SUGP1: variants seen among roughly 807,000 people sequenced by gnomAD.
SUGP1 encodes SURP and G-patch domain containing 1, also known as SURP and G-patch domain-containing protein 1.
In SUGP1, 34 loss-of-function variants were observed where a neutral mutation model predicts 76.5. The observed-to-expected ratio is 0.44, with a 90% CI of 0.34 to 0.59. The LOEUF (loss-of-function observed/expected upper bound fraction) is 0.59. SUGP1 is among the 20% of genes least tolerant of loss of function. The pLI, the probability that SUGP1 is intolerant of heterozygous loss-of-function variation, is 0.01. For synonymous variants in SUGP1, 326 were observed against 326.2 expected, an observed-to-expected ratio of 1.00 and a Z score of 0.01; for missense variants, 752 against 851.7, an observed-to-expected ratio of 0.88 and a Z score of 1.46.
chr19:19,292,422 C>T, intron 8 of SUGP1, among the ~76,000 whole-genome samples: 1 of 152,066 alleles, frequency 6.6e-6, no homozygotes, highest in East Asian at 1.9e-4. Context: ...GAAAAATAGG[C>T]CAGGTGTGGT....
intron 8 of SUGP1, among the ~76,000 whole-genome samples, chr19:19,286,233 T>C (rs2061139062): frequency 6.6e-6 from 1 of 152,234 alleles, no homozygotes; most frequent in South Asian, 2.1e-4. Flanking sequence ...AGTTTAACAC[T>C]GAAGGCATCA....
rs1405747208 is a variant in SUGP1 at position 19,278,690 on chromosome 19, C to T, written c.1635G>A (p.Lys545=). 1.2e-6 allele frequency: 2 copies of T among 1,611,028 alleles called. No homozygotes were observed. The highest frequency in any genetic ancestry group is 1.7e-6 in the Non-Finnish European group (2 of 1,178,704). The change falls in exon 11 of 14, where the codon AAG becomes AAA. Residue 545 remains lysine, a splice_region_variant and synonymous_variant. Coordinates refer to ENST00000247001, the MANE Select transcript of SUGP1 (RefSeq NM_172231.4). ...GGAGCTAGGGCCCCTCCTGGCTCAC[C>T]TTCAGGGCCTTGAAGGTCTCCATAA... ...EKFMETFKAL[K]EGREPDYSEY... is the part of the protein sequence containing the mutation.
chr19:19,315,638 T>C (rs966185647), intron 2 of SUGP1, among the ~76,000 whole-genome samples: 2 of 152,188 alleles, frequency 1.3e-5, no homozygotes, highest in Non-Finnish European at 2.9e-5. Flanking sequence ...CTCCCCTTCC[T>C]GCCCTCTGCT....
At chr19:19,279,597 G>A (rs757800883) in intron 9 of SUGP1, among the ~76,000 whole-genome samples, 1 of 152,096 alleles carries the variant, frequency 6.6e-6, no homozygotes, top group South Asian at 2.1e-4. Context: ...AGGACCTCTT[G>A]GCCACTGAAT....
intron 4 of SUGP1, 174 bp from the exon 5 acceptor site, chr19:19,304,021 T>C (rs1373921383): frequency 1.3e-6 from 2 of 1,585,764 alleles, no homozygotes; most frequent in African/African-American, 2.7e-5. Flanking sequence ...GGGGAGTCGG[T>C]CTCACTGTCT....
intron 1 of SUGP1, among the ~76,000 whole-genome samples, chr19:19,317,224 T>TGCA (rs1035069483): frequency 9.2e-5 from 14 of 151,364 alleles, no homozygotes; most frequent in Admixed American, 7.2e-4. Flanking sequence ...AGAGTACATA[T>TGCA]GCAGGTAGGA....
intron 8 of SUGP1, among the ~76,000 whole-genome samples, chr19:19,287,906 T>C (rs1476542557): frequency 3.3e-5 from 5 of 151,984 alleles, no homozygotes; most frequent in Non-Finnish European, 5.9e-5. Flanking sequence ...AGTTACAGAG[T>C]GCCTGTCTCT....
Position 19,276,973 on chromosome 19 carries a change from C to CCAG in SUGP1, c.1882_1884dup (p.Leu628dup), listed in dbSNP as rs758191748. 6.2e-7 allele frequency: 1 copy of CCAG among 1,612,988 alleles called. No individual in the cohort carries two copies. The highest frequency in any genetic ancestry group is 8.5e-7 in the Non-Finnish European group (1 of 1,180,034). On this transcript the variant is annotated inframe_insertion, in exon 13 of 14. Transcript: ENST00000247001. ...AGGGGGTTGGGCCGGAAGCGGTAGG[C>CCAG]CAGCATCATCCTCTTGCGGAACGCC...
chr19:19,303,818 T>C lies in SUGP1; in HGVS notation c.568A>G (p.Lys190Glu), dbSNP rs2061292659. Residue 190 changes from lysine (K) to glutamate (E), a missense_variant, in exon 5 of 14, where the codon AAA (lysine) becomes GAA (glutamate). By Grantham distance (56) the Lys-to-Glu change is moderately conservative. Around this residue, in one of 2 missense-constraint regions of SUGP1, gnomAD observed 620 missense variants for 617.3 expected, o/e 1.00. Transcript: ENST00000247001. ...VSPPEGAETR[K>E]VIEKLARFVA... The stretch of plus-strand genomic sequence containing the variant: ...AAGCGGGCCAATTTCTCTATCACTT[T>C]CCGAGTCTCGGCTCCCTCTGGGGGT... 5.0e-6 allele frequency: 8 copies of C among 1,614,196 alleles called. No homozygotes were observed. Among genetic ancestry groups the C allele is most frequent in the Non-Finnish European group, 5.9e-6 (7 of 1,180,044 alleles).
At chr19:19,300,075 G>A (rs1222799249) in intron 7 of SUGP1, among the ~76,000 whole-genome samples, 3 of 151,156 alleles carry the variant, frequency 2.0e-5, no homozygotes, top group African/African-American at 7.3e-5. Flanking sequence ...ACCAAGCCCA[G>A]CCTCATTTTT....
At chr19:19,280,135 A>C in intron 9 of SUGP1, 50 bp downstream of exon 9, 2 of 1,563,654 alleles carry the variant, frequency 1.3e-6, no homozygotes, top group African/African-American at 2.7e-5. Flanking sequence ...AGAGGACAAC[A>C]CTCTATGGGC....
intron 3 of SUGP1, among the ~76,000 whole-genome samples, chr19:19,307,661 T>C (rs1327672776): frequency 6.6e-6 from 1 of 151,894 alleles, no homozygotes; most frequent in Non-Finnish European, 1.5e-5. Flanking sequence ...TATTTTTCTT[T>C]TTTTTTTTTC....
intron 8 of SUGP1, among the ~76,000 whole-genome samples, chr19:19,292,163 C>T (rs1568623841): frequency 6.7e-6 from 1 of 149,652 alleles, no homozygotes; most frequent in African/African-American, 2.5e-5. Flanking sequence ...ATCCCAGCTA[C>T]TCGGGAGGCT....
rs1191103434 is a variant in SUGP1 at position 19,305,980 on chromosome 19, A to T, written c.407T>A (p.Leu136Gln). Residue 136 changes from leucine (L) to glutamine (Q), a missense_variant, in exon 4 of 14, where the codon CTG becomes CAG. This residue lies in a region of SUGP1 where 620 missense variants were observed against 617.3 expected (regional missense o/e 1.00). Coordinates refer to ENST00000247001, the MANE Select transcript of SUGP1 (RefSeq NM_172231.4). ...LLISRRTGLG[L>Q]ASLPGPVKSY... ...CTTCACAGGGCCCGGCAGGCTGGCC[A>T]GCCCCAGGCCTGTCCGCCTGCTGAT... The T allele has an allele frequency of 6.2e-7, 1 of 1,611,836 alleles. No homozygotes were observed. Among genetic ancestry groups the T allele is most frequent in the Non-Finnish European group, 8.5e-7 (1 of 1,179,792 alleles).
intron 8 of SUGP1, among the ~76,000 whole-genome samples, chr19:19,288,356 A>G (rs1159538852): frequency 6.6e-6 from 1 of 152,186 alleles, no homozygotes; most frequent in Non-Finnish European, 1.5e-5. Flanking sequence ...TTTCTTAGTA[A>G]TATTTTCTTT....
intron 2 of SUGP1, among the ~76,000 whole-genome samples, chr19:19,314,260 T>C (rs1470824673): frequency 1.3e-5 from 2 of 151,754 alleles, no homozygotes; most frequent in Non-Finnish European, 2.9e-5. Context: ...CAGGCGGAGG[T>C]TGTAGTGAGC....
Position 19,306,021 on chromosome 19 carries a change from C to G in SUGP1, c.366G>C (p.Gly122=), listed in dbSNP as rs1214653619. 3.7e-6 allele frequency: 6 copies of G among 1,611,474 alleles called. No individual in the cohort carries two copies. Among genetic ancestry groups the G allele is most frequent in the Non-Finnish European group, 5.1e-6 (6 of 1,179,422 alleles). The part of the protein sequence containing the change: ...APPSTPTPSA[G]KRSLLISRRT... The stretch of plus-strand genomic sequence containing the variant: ...GCCTGCTGATGAGCAGGGACCTCTT[C>G]CCAGCGCTGGGGGTGGGTGTGCTGG... Residue 122 remains glycine, a synonymous_variant, in exon 4 of 14, where the codon GGG becomes GGC. Transcript: ENST00000247001.
chr19:19,288,940 C>T (rs543304748), intron 8 of SUGP1, among the ~76,000 whole-genome samples: 31 of 152,024 alleles, frequency 2.0e-4, no homozygotes, highest in Non-Finnish European at 3.4e-4. Flanking sequence ...CATGTGCCAC[C>T]ATGCCCGGCT....
chr19:19,276,812 T>C (rs562688395), intron 13 of SUGP1, 135 bp downstream of exon 13: 1 of 1,536,952 alleles, frequency 6.5e-7, no homozygotes, highest in East Asian at 2.3e-5. Flanking sequence ...GGTGGGGGCT[T>C]GAATGCAGGT....
Sources: allele counts gnomAD v4.1 joint callset (sites outside exome capture counted in the v4.1 genomes callset), GRCh38; gene constraint gnomAD v4.1.1; regional missense constraint gnomAD v4.1.1; transcripts MANE v1.5; gene names NCBI Gene and HGNC (gene_info 2026-07-23, HGNC 2026-07-21).